The following TSNARE1 variants were observed in gnomAD, a reference collection of about 807,000 sequenced individuals.
TSNARE1 encodes t-SNARE domain containing 1, also known as t-SNARE domain-containing protein 1.
In TSNARE1, 49 loss-of-function variants were observed where a neutral mutation model predicts 62.0. The observed-to-expected ratio is 0.79, with a 90% CI of 0.63 to 1.00. TSNARE1 has a LOEUF of 1.00. Among genes scored for constraint, TSNARE1 ranks in the 50% least tolerant of loss-of-function variants. The pLI, the probability that TSNARE1 is intolerant of heterozygous loss-of-function variation, is 0.00. For synonymous variants in TSNARE1, 328 were observed against 294.4 expected (o/e 1.11, Z -1.17); for missense variants, 755 against 700.1 (o/e 1.08, Z -0.88).
chr8:142,388,501 TA>T (rs34348082), intron 1 of TSNARE1, among the ~76,000 whole-genome samples: 23,987 of 68,774 alleles, frequency 0.35, 2,394 homozygotes, highest in East Asian at 0.44. Flanking sequence ...GATAATGAAC[TA>T]AAAAAAAAAA....
In TSNARE1 at chr8:142,344,137, G is replaced by A. The variant is rs749267041; in HGVS notation, c.574C>T (p.Arg192Ter). The A allele has an allele frequency of 1.2e-5, 20 of 1,612,694 alleles. No homozygotes were observed. The Middle Eastern group carries it at 4.9e-4, about 40-fold the overall frequency. ...CCCAGCTTGCGCCGCACGACGGCTCGTAGGTCCCGCCACTTGTGCTTCAGG... is the reference window on the plus strand; with the variant it reads ...CCCAGCTTGCGCCGCACGACGGCTCATAGGTCCCGCCACTTGTGCTTCAGG... ...VDLKHKWRDLRAVVRRKLGDL... is the reference protein window; with the variant it reads ...VDLKHKWRDL The change falls in exon 4 of 14, where the codon CGA becomes TGA. Residue 192 changes from arginine (R) to a stop codon, truncating the protein, a stop_gained. Transcript: ENST00000524325. LOFTEE classifies it high-confidence loss of function.
At chr8:142,279,407 G>C (rs752970540) in intron 11 of TSNARE1, among the ~76,000 whole-genome samples, 4 of 152,322 alleles carry the variant, frequency 2.6e-5, no homozygotes, top group African/African-American at 9.6e-5. Flanking sequence ...GCTGCTGCAC[G>C]TCGGGGAGCT....
intron 1 of TSNARE1, among the ~76,000 whole-genome samples, chr8:142,369,163 T>C (rs1305783431): frequency 2.6e-5 from 4 of 152,140 alleles, no homozygotes; most frequent in Admixed American, 2.6e-4. Context: ...CACCTCTGTA[T>C]CTGCAGCATG....
chr8:142,221,365 C>T (rs1482236778), intron 13 of TSNARE1, among the ~76,000 whole-genome samples: 2 of 152,234 alleles, frequency 1.3e-5, no homozygotes, highest in Non-Finnish European at 2.9e-5. Flanking sequence ...CCAGGAAGCA[C>T]GCAAAGGTCC....
At chr8:142,276,324 T>C in intron 11 of TSNARE1, 1 of 985,328 alleles carries the variant, frequency 1.0e-6, no homozygotes, top group Non-Finnish European at 1.2e-6. Flanking sequence ...TCTGAGCCAA[T>C]GGAGGAGGAG....
intron 5 of TSNARE1, 94 bp downstream of exon 5, chr8:142,331,660 G>T (rs924354735): frequency 8.9e-6 from 11 of 1,242,130 alleles, no homozygotes; most frequent in African/African-American, 6.0e-5. Flanking sequence ...ATGGCCTGAG[G>T]GGGGAAGCCA....
At chr8:142,271,985 T>C (rs1404769388) in intron 12 of TSNARE1, among the ~76,000 whole-genome samples, 2 of 151,890 alleles carry the variant, frequency 1.3e-5, no homozygotes, top group African/African-American at 2.4e-5. Context: ...TCCCACCGAC[T>C]CCCCTGTGCT....
In TSNARE1 at chr8:142,223,022, A is replaced by AG. The variant is rs1563756504; in HGVS notation, c.*11+6450dup. ...CATTCACTCATTTACTCACTCACTC[A>AG]GCCACTCACTCATTCACTCACTCAC... On this transcript the variant is annotated intron_variant, in intron 13 of 13. Coordinates refer to ENST00000524325, the MANE Select transcript of TSNARE1 (RefSeq NM_145003.5). Among the ~76,000 whole-genome samples, 890 of 129,148 alleles carry AG rather than the reference A, an allele frequency of 6.9e-3. 28 individuals carry two copies. The highest frequency in any genetic ancestry group is 0.026 in the African/African-American group (851 of 32,480). 84.7% of individuals were successfully genotyped at this position (129,148 alleles called of 152,430 possible). A position where few individuals can be genotyped will look rare whatever the true frequency, so the allele number is the denominator to read the frequency against.
At chr8:142,280,813 G>A (rs1821307030) in intron 11 of TSNARE1, among the ~76,000 whole-genome samples, 1 of 152,174 alleles carries the variant, frequency 6.6e-6, no homozygotes, top group Non-Finnish European at 1.5e-5. Context: ...AGGACAGAGC[G>A]ATAGGAGGGG....
chr8:142,259,034 A>G (rs527415780), intron 12 of TSNARE1, among the ~76,000 whole-genome samples: 1 of 152,314 alleles, frequency 6.6e-6, no homozygotes, highest in African/African-American at 2.4e-5. Flanking sequence ...GGCGAGATAC[A>G]TCCAGCCACA....
At chr8:142,393,092 TA>T (rs1837655728) in intron 1 of TSNARE1, among the ~76,000 whole-genome samples, 1 of 151,888 alleles carries the variant, frequency 6.6e-6, no homozygotes, top group East Asian at 1.9e-4. Context: ...TTCAAAATAG[TA>T]AAGTAAAAGG....
At chr8:142,253,432 C>A (rs1348389857) in intron 12 of TSNARE1, among the ~76,000 whole-genome samples, 1 of 152,108 alleles carries the variant, frequency 6.6e-6, no homozygotes, top group Non-Finnish European at 1.5e-5. Flanking sequence ...AGTCACCACC[C>A]CCAGTGGCCA....
chr8:142,270,046 C>G, intron 12 of TSNARE1: 1 of 985,476 alleles, frequency 1.0e-6, no homozygotes, highest in Non-Finnish European at 1.2e-6. Context: ...AGTCAGCCAG[C>G]ATCTTGCTCC....
At chr8:142,384,644 T>C (rs1344472843) in intron 1 of TSNARE1, among the ~76,000 whole-genome samples, 5 of 152,204 alleles carry the variant, frequency 3.3e-5, no homozygotes, top group Non-Finnish European at 2.9e-5. Context: ...AGAATGAAGT[T>C]GGATCCTCAC....
intron 1 of TSNARE1, among the ~76,000 whole-genome samples, chr8:142,379,209 G>A (rs1182310662): frequency 1.3e-5 from 2 of 152,216 alleles, no homozygotes; most frequent in Non-Finnish European, 2.9e-5. Flanking sequence ...TAGTGGGCAT[G>A]CCTCAGCGGG....
intron 4 of TSNARE1, among the ~76,000 whole-genome samples, chr8:142,341,270 A>AC (rs1270680225): frequency 1.3e-5 from 2 of 151,236 alleles, no homozygotes; most frequent in South Asian, 2.1e-4. Flanking sequence ...CCCTGCACCC[A>AC]CCCCCCCAGG....
intron 13 of TSNARE1, among the ~76,000 whole-genome samples, chr8:142,221,884 T>C (rs1219575976): frequency 1.6e-5 from 1 of 62,718 alleles, no homozygotes; most frequent in African/African-American, 6.1e-5. Flanking sequence ...CACTCACTCA[T>C]CCACTCATTC....
chr8:142,391,840 C>G (rs1263419491), intron 1 of TSNARE1, among the ~76,000 whole-genome samples: 1 of 152,226 alleles, frequency 6.6e-6, no homozygotes, highest in African/African-American at 2.4e-5. Flanking sequence ...TGTGTGGGAT[C>G]TGGGCTGGTA....
At chr8:142,260,976 G>GAAAGGTA (rs1563786527) in intron 12 of TSNARE1, among the ~76,000 whole-genome samples, 16 of 84,078 alleles carry the variant, frequency 1.9e-4, no homozygotes, top group Non-Finnish European at 2.7e-4. Context: ...CAGGGAGGGA[G>GAAAGGTA]GGAGGGAGGA....
Sources: gnomAD v4.1 joint callset for allele counts (sites outside exome capture counted in the v4.1 genomes callset) on GRCh38, gnomAD v4.1.1 for gene constraint, MANE v1.5 for transcripts, NCBI Gene and HGNC (gene_info 2026-07-23, HGNC 2026-07-21) for gene names.